The following DNM1 variants were observed in gnomAD, a reference collection of about 807,000 sequenced individuals.
DNM1 encodes dynamin 1, also known as dynamin-1.
DNM1 carries 29 observed loss-of-function variants against 104.6 expected under a neutral mutation model. The ratio of observed to expected loss-of-function variants is 0.28; its 90% CI spans 0.21 to 0.38. The LOEUF (loss-of-function observed/expected upper bound fraction) is 0.38. DNM1 is among the 10% of genes least tolerant of loss of function. The probability of loss-of-function intolerance (pLI) is 1.00; values close to 1 mark genes in which losing one functional copy is unlikely to be tolerated. For missense variants in DNM1, 640 were observed against 1,189.4 expected (o/e 0.54, Z 6.79); for synonymous variants, 445 against 475.8 (o/e 0.94, Z 0.84).
At chr9:128,213,506 T>C (rs1335998779) in intron 1 of DNM1, among the ~76,000 whole-genome samples, 2 of 32,006 alleles carry the variant, frequency 6.2e-5, no homozygotes, top group African/African-American at 1.2e-4. Flanking sequence ...GGAGGGAGGG[T>C]GGGAAAGAAA....
rs1757660850 is a variant in DNM1 at position 128,220,960 on chromosome 9, CTTCTTTCTTTCTTTCTCT to C, written c.849+635_849+652del. On this transcript the variant is annotated intron_variant, in intron 6 of 21. Transcript: ENST00000372923. The surrounding 1 kb of genome is among the most constrained non-coding windows in gnomAD (Gnocchi z 5.2). Reference sequence around the variant, plus strand: ...TTTCTTTTCTTTCTTTCTTTCCTTTCTTCTTTCTTTCTTTCTCTTTCTTTCTTTCTTTCCCTTCCTTCC... The same window carrying C: ...TTTCTTTTCTTTCTTTCTTTCCTTTCTTCTTTCTTTCTTTCCCTTCCTTCC... The C allele has an allele frequency of 2.1e-5, 2 of 93,428 alleles. No individual in the cohort carries two copies. The highest frequency in any genetic ancestry group is 4.8e-5 in the Non-Finnish European group (2 of 41,682). 5.8% of individuals were successfully genotyped at this position (93,428 alleles called of 1,614,324 possible). A position where few individuals can be genotyped will look rare whatever the true frequency, so the allele number is the denominator to read the frequency against.
chr9:128,224,303 G>A lies in DNM1; in HGVS notation c.1249G>A (p.Val417Met), dbSNP rs1835206540. The change falls in exon 10 of 22, where the codon GTG (valine) becomes ATG (methionine). Residue 417 changes from valine (V) to methionine (M), a missense_variant. By Grantham distance (21) the Val-to-Met change is conservative. Around this residue, in one of 7 missense-constraint regions of DNM1, gnomAD observed 92 missense variants for 124.4 expected, o/e 0.74. Transcript: ENST00000372923. The surrounding 1 kb of genome is among the most constrained non-coding windows in gnomAD (Gnocchi z 4.3). ...CTTTGAGACCATTGTGAAAAAGCAG[G>A]TGAAGAAGATCCGAGAACCGTGTCT... ...MAFETIVKKQ[V>M]KKIREPCLKC... is the part of the protein sequence containing the mutation. 1 of 1,613,966 alleles carries A rather than the reference G, an allele frequency of 6.2e-7. No individual in the cohort carries two copies. The highest frequency in any genetic ancestry group is 8.5e-7 in the Non-Finnish European group (1 of 1,179,996).
intron 11 of DNM1, among the ~76,000 whole-genome samples, chr9:128,236,385 A>G (rs947194831): frequency 9.9e-5 from 15 of 152,056 alleles, no homozygotes; most frequent in African/African-American, 3.6e-4. Context: ...CCATTCATTC[A>G]TGTTTTTGTT....
At chr9:128,250,993 A>T in intron 21 of DNM1, 53 bp downstream of exon 21, 1 of 1,112,732 alleles carries the variant, frequency 9.0e-7, no homozygotes, top group Admixed American at 2.2e-5. Flanking sequence ...CGTGGCCGGG[A>T]GGGAAATGGG....
chr9:128,219,493 A>T (rs1834811821), intron 4 of DNM1, among the ~76,000 whole-genome samples: 1 of 149,506 alleles, frequency 6.7e-6, no homozygotes, highest in Non-Finnish European at 1.5e-5. Context: ...ACCTAGTGAG[A>T]CCCCATTTCT....
intron 1 of DNM1, among the ~76,000 whole-genome samples, chr9:128,217,120 TAG>T (rs1834656346): frequency 6.6e-6 from 1 of 152,234 alleles, no homozygotes; most frequent in East Asian, 1.9e-4. Context: ...GTCTAAGCTA[TAG>T]ACTGTCAGGT....
Position 128,248,048 on chromosome 9 carries a change from G to A in DNM1, c.1905+113G>A. 1 of 1,457,440 alleles carries A rather than the reference G, an allele frequency of 6.9e-7. No individual in the cohort carries two copies. The highest frequency in any genetic ancestry group is 9.6e-7 in the Non-Finnish European group (1 of 1,041,114). 90.3% of individuals were successfully genotyped at this position (1,457,440 alleles called of 1,614,324 possible). On this transcript the variant is annotated intron_variant, in intron 18 of 21. Coordinates refer to ENST00000372923, the MANE Select transcript of DNM1 (RefSeq NM_004408.4). The surrounding 1 kb of genome is among the most constrained non-coding windows in gnomAD (Gnocchi z 5.6). The stretch of plus-strand genomic sequence containing the variant: ...GTTCTTTTCTAATTTCTGGATTGGG[G>A]CCAGGCGCAGTGGCTCACACCTGTA...
rs117236235 is a variant in DNM1 at position 128,233,214 on chromosome 9, C to T, written c.1336-807C>T. 2.7e-3 allele frequency among the ~76,000 whole-genome samples: 413 copies of T among 152,322 alleles called. 8 individuals carry two copies. In the East Asian group the frequency reaches 0.064, roughly 24 times the overall value. Reference sequence around the variant, plus strand: ...AAAGAGGTGCTGCTGAGCTCCTACCCCAAAGGAGTGGGGTCGAGACAGTGT... The same window carrying T: ...AAAGAGGTGCTGCTGAGCTCCTACCTCAAAGGAGTGGGGTCGAGACAGTGT... On this transcript the variant is annotated intron_variant, in intron 10 of 21. Transcript: ENST00000372923.
chr9:128,218,423 CT>C lies in DNM1; in HGVS notation c.235+121del. On this transcript the variant is annotated intron_variant, in intron 2 of 21. Transcript: ENST00000372923. This position sits in a 1 kb window ranked among gnomAD's most constrained non-coding sequence, Gnocchi z 4.8. ...CTGTGTGACTGTGGGCCTCGTTCCC[CT>C]TAGGGATAGCGGGGATCAAAATACA... The C allele has an allele frequency of 6.9e-7, 1 of 1,444,334 alleles. No individual in the cohort carries two copies. The highest frequency in any genetic ancestry group is 9.7e-7 in the Non-Finnish European group (1 of 1,027,260). 89.5% of individuals were successfully genotyped at this position (1,444,334 alleles called of 1,614,324 possible).
intron 1 of DNM1, among the ~76,000 whole-genome samples, chr9:128,208,665 G>A (rs1834112354): frequency 6.6e-6 from 1 of 152,190 alleles, no homozygotes; most frequent in Non-Finnish European, 1.5e-5. Context: ...GGATACAGTT[G>A]TGAGTCAGCC....
At chr9:128,236,969 G>C (rs1388755638) in intron 11 of DNM1, among the ~76,000 whole-genome samples, 1 of 152,170 alleles carries the variant, frequency 6.6e-6, no homozygotes, top group African/African-American at 2.4e-5. Flanking sequence ...TAAACCACAA[G>C]CCTGCTGTGT....
At chr9:128,239,913 C>T (rs538843914) in intron 13 of DNM1, 72 bp from the exon 14 acceptor site, 1 of 1,598,610 alleles carries the variant, frequency 6.3e-7, no homozygotes, top group Non-Finnish European at 8.6e-7. Context: ...ACAAGCCTCC[C>T]ACTCTGCCTC....
intron 10 of DNM1, among the ~76,000 whole-genome samples, chr9:128,231,268 T>C (rs575846669): frequency 1.0e-3 from 136 of 132,712 alleles, no homozygotes; most frequent in Middle Eastern, 4.8e-3. Context: ...AACGGCACGA[T>C]CTCAGCTTAC....
chr9:128,214,931 G>A (rs1834516431), intron 1 of DNM1, among the ~76,000 whole-genome samples: 1 of 152,246 alleles, frequency 6.6e-6, no homozygotes. Context: ...GAGAAGGAGG[G>A]CCACCTAGGG....
rs1835241932 is a variant in DNM1, at chr9:128,224,739, G to A, written c.1335+350G>A. On this transcript the variant is annotated intron_variant, in intron 10 of 21. Coordinates refer to ENST00000372923, the MANE Select transcript of DNM1 (RefSeq NM_004408.4). This position sits in a 1 kb window ranked among gnomAD's most constrained non-coding sequence, Gnocchi z 4.3. ...AGGTGTCATCTTTGGGAGCTCCAGG[G>A]AGGGGTCTGGGGAAACCTTAGCCTT... is the stretch of plus-strand genomic sequence containing the variant. 6.6e-6 allele frequency among the ~76,000 whole-genome samples: 1 copy of A among 152,164 alleles called. No individual in the cohort carries two copies.
chr9:128,211,083 C>T (rs1478831303), intron 1 of DNM1, among the ~76,000 whole-genome samples: 1 of 152,268 alleles, frequency 6.6e-6, no homozygotes, highest in Non-Finnish European at 1.5e-5. Context: ...CCGGCTCCCC[C>T]ATCCTCCCCA....
Position 128,220,727 on chromosome 9 carries a change from G to GCGCCT in DNM1, c.849+386_849+387insCGCCT, listed in dbSNP as rs141844476. Among the ~76,000 whole-genome samples the GCGCCT allele has an allele frequency of 2.8e-5, 1 of 36,360 alleles. No homozygotes were observed. The highest frequency in any genetic ancestry group is 5.7e-5 in the Non-Finnish European group (1 of 17,602). The allele number at this position is 36,360 out of a possible 152,430, so 23.9% of individuals were successfully genotyped here. On this transcript the variant is annotated intron_variant, in intron 6 of 21. Coordinates refer to ENST00000372923, the MANE Select transcript of DNM1 (RefSeq NM_004408.4). The surrounding 1 kb of genome is among the most constrained non-coding windows in gnomAD (Gnocchi z 5.2). Reference sequence around the variant, plus strand: ...CTGGAATGGGGCATCCAGAACTGAAGTGCGCGCGCGCGCGCGTGTGTGTGT... The same window carrying GCGCCT: ...CTGGAATGGGGCATCCAGAACTGAAGCGCCTTGCGCGCGCGCGCGCGTGTGTGTGT...
rs776283695 is a variant in DNM1, at chr9:128,220,738, C to CGTGT, written c.849+398_849+399insTGTG. Among the ~76,000 whole-genome samples, 265 of 96,406 alleles carry CGTGT rather than the reference C, an allele frequency of 2.7e-3. No homozygotes were observed. Among genetic ancestry groups the CGTGT allele is most frequent in the African/African-American group, 0.015 (243 of 16,500 alleles). The allele number at this position is 96,406 out of a possible 152,430, so 63.2% of individuals were successfully genotyped here. ...CATCCAGAACTGAAGTGCGCGCGCG[C>CGTGT]GCGCGTGTGTGTGTGTGTGTGTGTG... On this transcript the variant is annotated intron_variant, in intron 6 of 21. Transcript: ENST00000372923. The surrounding 1 kb of genome is among the most constrained non-coding windows in gnomAD (Gnocchi z 5.2).
chr9:128,219,969 C>T lies in DNM1; in HGVS notation c.590-19C>T. 1 of 1,542,196 alleles carries T rather than the reference C, an allele frequency of 6.5e-7. No homozygotes were observed. The highest frequency in any genetic ancestry group is 8.8e-7 in the Non-Finnish European group (1 of 1,138,700). On this transcript the variant is annotated intron_variant, in intron 4 of 21. Coordinates refer to ENST00000372923, the MANE Select transcript of DNM1 (RefSeq NM_004408.4). ...AGAGCGGGTGCAGCTGTAGACGGCC[C>T]TCCTGCTGGTGCACCCAGGCCAGCG...
Sources: allele counts gnomAD v4.1 joint callset (sites outside exome capture counted in the v4.1 genomes callset), GRCh38; gene constraint gnomAD v4.1.1; regional missense constraint gnomAD v4.1.1; non-coding constraint Gnocchi (gnomAD v3.1); transcripts MANE v1.5; gene names NCBI Gene and HGNC (gene_info 2026-07-23, HGNC 2026-07-21).